Variants in MARCHF10 observed in about 807,000 individuals in gnomAD.
MARCHF10 encodes probable E3 ubiquitin-protein ligase MARCHF10.
Under a neutral mutation model 76.2 loss-of-function variants are expected in MARCHF10, and 64 were observed. The observed-to-expected ratio is 0.84, with a 90% confidence interval of 0.69 to 1.03. The LOEUF is 1.03. Ranked by LOEUF, MARCHF10 falls within the 50% of genes least tolerant of loss-of-function variation. The probability of loss-of-function intolerance (pLI) is 0.00; values close to 1 mark genes in which losing one functional copy is unlikely to be tolerated. For synonymous variants in MARCHF10, 340 were observed against 357.5 expected, an observed-to-expected ratio of 0.95 and a Z score of 0.55; for missense variants, 875 against 958.0, an observed-to-expected ratio of 0.91 and a Z score of 1.14.
intron 5 of MARCHF10, among the ~76,000 whole-genome samples, chr17:62,743,041 G>T (rs143208222): frequency 1.0e-3 from 159 of 152,224 alleles, no homozygotes; most frequent in Non-Finnish European, 1.5e-3. Flanking sequence ...GCTGGGTGCT[G>T]GTCAGTGTAT....
At chr17:62,723,680 C>T (rs533195529) in intron 7 of MARCHF10, among the ~76,000 whole-genome samples, 11 of 151,014 alleles carry the variant, frequency 7.3e-5, no homozygotes, top group African/African-American at 2.4e-4. Flanking sequence ...ATGAGCATAG[C>T]AGCATTTTCA....
rs186518805 is a variant in MARCHF10, at chr17:62,743,499, C to T, written c.535+877G>A. 2.8e-3 allele frequency among the ~76,000 whole-genome samples: 429 copies of T among 152,132 alleles called. 2 individuals are homozygous for T. Among genetic ancestry groups the T allele is most frequent in the African/African-American group, 1.0e-2 (414 of 41,498 alleles). Reference sequence around the variant, plus strand: ...CTCTACCAAGATACAAAAAATTAGCCGGGCATGGTGGTGCGCGCCTGTGGT... The same window carrying T: ...CTCTACCAAGATACAAAAAATTAGCTGGGCATGGTGGTGCGCGCCTGTGGT... On this transcript the variant is annotated intron_variant, in intron 5 of 10. Transcript: ENST00000311269.
At chr17:62,768,164 G>A (rs1238277695) in intron 3 of MARCHF10, among the ~76,000 whole-genome samples, 1 of 152,190 alleles carries the variant, frequency 6.6e-6, no homozygotes, top group Non-Finnish European at 1.5e-5. Context: ...CTTGTCGACT[G>A]AGCCACTGCA....
chr17:62,752,197 C>T (rs1568161504), intron 4 of MARCHF10, among the ~76,000 whole-genome samples: 1 of 152,086 alleles, frequency 6.6e-6, no homozygotes, highest in Non-Finnish European at 1.5e-5. Context: ...GCTGTCTTCA[C>T]TCATTCTTCT....
chr17:62,750,022 G>C (rs1359279619), intron 4 of MARCHF10: 1 of 152,402 alleles, frequency 6.6e-6, no homozygotes, highest in African/African-American at 2.4e-5. Flanking sequence ...TTTGGCGCTA[G>C]AAGGTGCAGC....
chr17:62,704,945 C>A, intron 10 of MARCHF10: 1 of 856,832 alleles, frequency 1.2e-6, no homozygotes, highest in Non-Finnish European at 1.4e-6. Flanking sequence ...TTTCTCCAGT[C>A]GTTTTTTTTT....
At chr17:62,714,416 C>T (rs915675121) in intron 8 of MARCHF10, 85 of 985,146 alleles carry the variant, frequency 8.6e-5, no homozygotes, top group East Asian at 1.1e-4. Context: ...TATGGGATCT[C>T]GCAACACCAA....
intron 7 of MARCHF10, 87 bp downstream of exon 7, chr17:62,724,851 T>C (rs2090672228): frequency 6.9e-7 from 1 of 1,444,978 alleles, no homozygotes; most frequent in South Asian, 1.2e-5. Flanking sequence ...GAGAGTGAGC[T>C]GATGACAAGG....
chr17:62,748,800 G>A (rs2091797994), intron 4 of MARCHF10, among the ~76,000 whole-genome samples: 1 of 152,170 alleles, frequency 6.6e-6, no homozygotes. Context: ...TCACTTGCAT[G>A]AAAAGTGAAT....
intron 3 of MARCHF10, among the ~76,000 whole-genome samples, chr17:62,760,997 C>T (rs1249220527): frequency 6.6e-6 from 1 of 152,196 alleles, no homozygotes; most frequent in Non-Finnish European, 1.5e-5. Flanking sequence ...TTGTATTGAT[C>T]TTGCTCACCG....
At chr17:62,717,918 G>T (rs950407161) in intron 8 of MARCHF10, among the ~76,000 whole-genome samples, 3 of 152,192 alleles carry the variant, frequency 2.0e-5, no homozygotes, top group Non-Finnish European at 2.9e-5. Flanking sequence ...TTAACATGGA[G>T]GGTGCGGTGG....
At chr17:62,713,512 G>A (rs753729491) in intron 8 of MARCHF10, among the ~76,000 whole-genome samples, 16 of 152,176 alleles carry the variant, frequency 1.1e-4, no homozygotes, top group African/African-American at 3.1e-4. Flanking sequence ...CAATCTCGCC[G>A]GCTCGGTTCC....
At chr17:62,799,737 ACT>A (rs1359036934) in intron 2 of MARCHF10, among the ~76,000 whole-genome samples, 1 of 149,326 alleles carries the variant, frequency 6.7e-6, no homozygotes, top group African/African-American at 2.5e-5. Context: ...CAAGAGCACA[ACT>A]CTGTCTCAAA....
intron 4 of MARCHF10, among the ~76,000 whole-genome samples, chr17:62,751,411 G>C (rs2091894889): frequency 6.6e-6 from 1 of 152,154 alleles, no homozygotes. Flanking sequence ...AGCCCACCCA[G>C]ACCTTCTGAA....
At chr17:62,795,726 G>C (rs1023233962) in intron 2 of MARCHF10, among the ~76,000 whole-genome samples, 1 of 152,234 alleles carries the variant, frequency 6.6e-6, no homozygotes, top group Non-Finnish European at 1.5e-5. Context: ...TTAAAGGTGA[G>C]TGGAGTACAG....
chr17:62,730,712 G>T (rs1240534235), intron 6 of MARCHF10, among the ~76,000 whole-genome samples: 1 of 152,104 alleles, frequency 6.6e-6, no homozygotes, highest in African/African-American at 2.4e-5. Flanking sequence ...TGCCCAATGT[G>T]GTGAAACCCT....
intron 3 of MARCHF10, among the ~76,000 whole-genome samples, chr17:62,770,129 T>C (rs1403893118): frequency 6.6e-6 from 1 of 152,210 alleles, no homozygotes; most frequent in Non-Finnish European, 1.5e-5. Context: ...ATTTGGGTTT[T>C]TGTTCCTGCG....
intron 1 of MARCHF10, among the ~76,000 whole-genome samples, chr17:62,807,615 T>C (rs537211655): frequency 3.3e-5 from 5 of 152,124 alleles, no homozygotes; most frequent in Non-Finnish European, 5.9e-5. Context: ...ATTTAAAACA[T>C]TAGCCAGACA....
chr17:62,739,450 C>T (rs979035814), intron 5 of MARCHF10, among the ~76,000 whole-genome samples: 2 of 149,654 alleles, frequency 1.3e-5, no homozygotes, highest in African/African-American at 2.5e-5. Context: ...GATCTCGGCT[C>T]GGCTCACAGA....
Sources: gnomAD v4.1 joint callset for allele counts (sites outside exome capture counted in the v4.1 genomes callset) on GRCh38, gnomAD v4.1.1 for gene constraint, MANE v1.5 for transcripts, NCBI Gene and HGNC (gene_info 2026-07-23, HGNC 2026-07-21) for gene names.